MR1: variants seen among roughly 807,000 people sequenced by gnomAD.
MR1 encodes the protein major histocompatibility complex, class I-related, also known as major histocompatibility complex class I-related protein 1.
Under a neutral mutation model 37.8 loss-of-function variants are expected in MR1, and 44 were observed. That is an observed-to-expected ratio of 1.16 (90% CI 0.91 to 1.50). The LOEUF is 1.50. MR1 is among the 40% of genes most tolerant of loss of function. MR1 has a pLI of 0.00. For synonymous variants in MR1, 153 were observed against 155.8 expected, an observed-to-expected ratio of 0.98 and a Z score of 0.13; for missense variants, 386 against 419.1, an observed-to-expected ratio of 0.92 and a Z score of 0.69.
intron 1 of MR1, among the ~76,000 whole-genome samples, chr1:181,036,707 A>C (rs559455674): frequency 6.6e-6 from 1 of 152,210 alleles, no homozygotes; most frequent in Non-Finnish European, 1.5e-5. Flanking sequence ...TTTTCCATTT[A>C]CAAAAATCTT....
At position 181,050,048 on chromosome 1, in the gene MR1, G is replaced by T. The variant is rs766840473; in HGVS notation, c.366G>T (p.Leu122=). The T allele has an allele frequency of 1.4e-5, 22 of 1,613,208 alleles. No individual in the cohort carries two copies. Among genetic ancestry groups the T allele is most frequent in the Middle Eastern group, 1.9e-4 (1 of 5,316 alleles). Residue 122 remains leucine, a synonymous_variant, in exon 3 of 6, where the codon CTG becomes CTT. Coordinates refer to ENST00000367580, the MANE Select transcript of MR1 (RefSeq NM_001385161.1). ...ACCAGAGAATGATTGGCTGTGAGCT[G>T]CTGGAGGATGGAAGCACCACAGGAT... is the stretch of plus-strand genomic sequence containing the variant. ...HTYQRMIGCE[L]LEDGSTTGFL...
upstream of MR1, chr1:181,033,839 C>A: frequency 1.8e-6 from 1 of 562,362 alleles, no homozygotes; most frequent in South Asian, 2.7e-5. Flanking sequence ...TTAAAAGTTA[C>A]CGAAGAAGGT....
rs753312375 is a variant in MR1, at chr1:181,052,460, C to G, written c.830C>G (p.Ser277Cys). Reference protein sequence around the residue: ...ELDPQSSNLYSCHVEHCGVHM... With the variant: ...ELDPQSSNLYCCHVEHCGVHM... ...GATCCTCAGAGCAGCAACCTTTACT[C>G]CTGTCATGTGGAGCACTGCGGTGTC... is the stretch of plus-strand genomic sequence containing the variant. The change falls in exon 4 of 6, where the codon TCC becomes TGC. Residue 277 changes from serine (S) to cysteine (C), a missense_variant. Coordinates refer to ENST00000367580, the MANE Select transcript of MR1 (RefSeq NM_001385161.1). 6 of 1,614,050 alleles carry G rather than the reference C, an allele frequency of 3.7e-6. No homozygotes were observed. The African/African-American group carries it at 6.7e-5, about 18-fold the overall frequency.
At chr1:181,046,390 A>G (rs981108183) in intron 1 of MR1, among the ~76,000 whole-genome samples, 9 of 152,154 alleles carry the variant, frequency 5.9e-5, no homozygotes, top group African/African-American at 1.9e-4. Context: ...GTAAACACCA[A>G]TCAGCACCCT....
At chr1:181,055,160 A>G (rs1463439224) in intron 5 of MR1, 65 bp from the exon 6 acceptor site, 22 of 1,496,822 alleles carry the variant, frequency 1.5e-5, no homozygotes, top group Non-Finnish European at 2.0e-5. Context: ...TGAACACTGC[A>G]TACTTTATTT....
rs1658825271 is a variant in MR1, at chr1:181,059,937, T to A, written c.*4672T>A. The A allele has an allele frequency of 6.6e-6, 1 of 152,154 alleles. No individual in the cohort carries two copies. Among genetic ancestry groups the A allele is most frequent in the Non-Finnish European group, 1.5e-5 (1 of 68,026 alleles). 9.4% of individuals were successfully genotyped at this position (152,154 alleles called of 1,614,324 possible). On this transcript the variant is annotated 3_prime_UTR_variant, in exon 6 of 6. Coordinates refer to ENST00000367580, the MANE Select transcript of MR1 (RefSeq NM_001385161.1). ...AGATGCAACATGTCACAATGTCATG[T>A]TCTCCATCGTCTCCCCGTTCCACCT...
intron 1 of MR1, among the ~76,000 whole-genome samples, chr1:181,038,657 G>T (rs1207903608): frequency 2.6e-5 from 4 of 152,096 alleles, no homozygotes; most frequent in African/African-American, 9.7e-5. Flanking sequence ...CTAGAAGCCT[G>T]GCCTGGAAAG....
In MR1 at chr1:181,050,095, G is replaced by A; in HGVS notation, c.413G>A (p.Gly138Glu). Residue 138 changes from glycine to glutamate, a missense_variant, in exon 3 of 6, where the codon GGG becomes GAG. Transcript: ENST00000367580. Reference sequence around the variant, plus strand: ...GGATTTCTGCAGTATGCATATGACGGGCAGGATTTCCTGATCTTCAATAAA... The same window carrying A: ...GGATTTCTGCAGTATGCATATGACGAGCAGGATTTCCTGATCTTCAATAAA... ...TTGFLQYAYD[G>E]QDFLIFNKDT... 1 of 1,614,158 alleles carries A rather than the reference G, an allele frequency of 6.2e-7. No homozygotes were observed. The highest frequency in any genetic ancestry group is 8.5e-7 in the Non-Finnish European group (1 of 1,180,026).
chr1:181,048,165 C>T (rs1212979767), intron 1 of MR1, among the ~76,000 whole-genome samples: 6 of 149,526 alleles, frequency 4.0e-5, no homozygotes, highest in Admixed American at 1.3e-4. Context: ...TGCAGTGAGC[C>T]GAGTTTGTGC....
chr1:181,048,940 G>C (rs1419389034), intron 1 of MR1, 112 bp from the exon 2 acceptor site: 3 of 1,378,126 alleles, frequency 2.2e-6, no homozygotes, highest in African/African-American at 1.5e-5. Context: ...CTGGGGCGTG[G>C]AGGCCTGGGT....
At chr1:181,049,347 C>T (rs1411101105) in intron 2 of MR1, 35 bp downstream of exon 2, 4 of 1,586,806 alleles carry the variant, frequency 2.5e-6, no homozygotes, top group Non-Finnish European at 2.6e-6. Flanking sequence ...CTTCCCCCAT[C>T]CCACCCCAAC....
At chr1:181,055,201 G>A (rs1461329655) in intron 5 of MR1, 24 bp from the exon 6 acceptor site, 2 of 1,611,774 alleles carry the variant, frequency 1.2e-6, no homozygotes, top group African/African-American at 2.7e-5. Context: ...CTTGTAATCT[G>A]ACTAAAAACC....
intron 1 of MR1, among the ~76,000 whole-genome samples, chr1:181,040,759 T>G (rs1461689876): frequency 6.7e-6 from 1 of 150,056 alleles, no homozygotes; most frequent in East Asian, 1.9e-4. Flanking sequence ...CAGAATTAGA[T>G]TGAAGTTAAA....
Position 181,049,282 on chromosome 1 carries a change from A to G in MR1, c.298A>G (p.Lys100Glu), listed in dbSNP as rs1240069521. 6.2e-7 allele frequency: 1 copy of G among 1,613,982 alleles called. No individual in the cohort carries two copies. Among genetic ancestry groups the G allele is most frequent in the East Asian group, 2.2e-5 (1 of 44,866 alleles). ...GWQQMFKVEL[K>E]RLQRHYNHSG... ...GCAGCAGATGTTCAAGGTGGAACTG[A>G]AGCGCCTACAGAGGCACTACAATCA... Residue 100 changes from lysine (K) to glutamate (E), a missense_variant, in exon 2 of 6, where the codon AAG (lysine) becomes GAG (glutamate). Coordinates refer to ENST00000367580, the MANE Select transcript of MR1 (RefSeq NM_001385161.1).
In MR1 at chr1:181,049,089, G is replaced by T; in HGVS notation, c.105G>T (p.Ser35=). 1.9e-6 allele frequency: 3 copies of T among 1,614,024 alleles called. No individual in the cohort carries two copies. The highest frequency in any genetic ancestry group is 2.5e-6 in the Non-Finnish European group (3 of 1,179,902). The change falls in exon 2 of 6, where the codon TCG becomes TCT. Residue 35 remains serine, a synonymous_variant. Transcript: ENST00000367580. ...TGAGATATTTTCGCCTGGGCGTTTCGGATCCCATCCATGGGGTCCCTGAAT... is the reference window on the plus strand; with the variant it reads ...TGAGATATTTTCGCCTGGGCGTTTCTGATCCCATCCATGGGGTCCCTGAAT... ...HSLRYFRLGV[S]DPIHGVPEFI... is the part of the protein sequence containing the mutation.
rs1158938908 is a variant in MR1, at chr1:181,055,259, T to G, written c.1020T>G (p.Asp340Glu). ...QNGAIYLPTPDR is the reference protein window; with the variant it reads ...QNGAIYLPTPER ...GAGCCATCTACCTTCCAACACCAGA[T>G]CGATGATTGCAGATCCCTCTTTTCC... The change falls in exon 6 of 6, where the codon GAT (aspartate) becomes GAG (glutamate). Residue 340 changes from aspartate (D) to glutamate (E), a missense_variant. Physicochemically the swap from Asp to Glu is conservative, Grantham distance 45 (BLOSUM62 2). Transcript: ENST00000367580. 6.2e-7 allele frequency: 1 copy of G among 1,613,320 alleles called. No individual in the cohort carries two copies.
At chr1:181,036,445 G>C (rs1011887446) in intron 1 of MR1, among the ~76,000 whole-genome samples, 1 of 152,162 alleles carries the variant, frequency 6.6e-6, no homozygotes, top group Non-Finnish European at 1.5e-5. Context: ...GCTGGAAAAG[G>C]ATATGAGATT....
At chr1:181,050,505 G>A in intron 3 of MR1, 1 of 571,694 alleles carries the variant, frequency 1.7e-6, no homozygotes, top group Non-Finnish European at 3.1e-6. Flanking sequence ...ACAGAGTGGA[G>A]TACCTCCAAG....
At position 181,058,663 on chromosome 1, in the gene MR1, T is replaced by A. The variant is rs375134722; in HGVS notation, c.*3398T>A. On this transcript the variant is annotated 3_prime_UTR_variant, in exon 6 of 6. Coordinates refer to ENST00000367580, the MANE Select transcript of MR1 (RefSeq NM_001385161.1). Reference sequence around the variant, plus strand: ...TGCACTTGTAGCTATGAGGAACAGATTGTCCACTAGGGAGGCCAGCTGATC... The same window carrying A: ...TGCACTTGTAGCTATGAGGAACAGAATGTCCACTAGGGAGGCCAGCTGATC... 4.6e-5 allele frequency: 7 copies of A among 152,458 alleles called. No homozygotes were observed. In the East Asian group the frequency reaches 1.2e-3, roughly 25 times the overall value. The allele number at this position is 152,458 out of a possible 1,614,324, so 9.4% of individuals were successfully genotyped here.
Sources: allele counts gnomAD v4.1 joint callset (sites outside exome capture counted in the v4.1 genomes callset), GRCh38; gene constraint gnomAD v4.1.1; transcripts MANE v1.5; gene names NCBI Gene and HGNC (gene_info 2026-07-23, HGNC 2026-07-21).